The following AFG2A variants were observed in gnomAD, a reference collection of about 807,000 sequenced individuals.
AFG2A encodes ATPase family gene 2 protein homolog A.
chr4:122,935,292 G>A, the AFG2A span, among the ~76,000 whole-genome samples: 1 of 151,928 alleles, frequency 6.6e-6, no homozygotes, highest in East Asian at 1.9e-4. Context: ...TGAACCCTTA[G>A]ATTGGCATTT....
the AFG2A span, among the ~76,000 whole-genome samples, chr4:123,205,130 T>A: frequency 0.017 from 2,564 of 152,296 alleles, 79 homozygotes; most frequent in African/African-American, 0.058. Flanking sequence ...CAGCTTATAA[T>A]ATTTGCTTTG....
At chr4:123,186,740 AAT>A in the AFG2A span, among the ~76,000 whole-genome samples, 8 of 152,270 alleles carry the variant, frequency 5.3e-5, no homozygotes, top group African/African-American at 1.9e-4. Context: ...AAAAGAACTG[AAT>A]ATATATGAGG....
At chr4:123,074,198 A>G in the AFG2A span, among the ~76,000 whole-genome samples, 2 of 146,782 alleles carry the variant, frequency 1.4e-5, no homozygotes, top group Admixed American at 7.1e-5. Flanking sequence ...GGTTCAAGCA[A>G]TTCACCCTGC....
chr4:123,305,266 A>G, the AFG2A span, among the ~76,000 whole-genome samples: 151,626 of 152,198 alleles, frequency 1, 75,529 homozygotes, highest in Middle Eastern at 1. Context: ...GAGGCAGTTA[A>G]GAATGTAGTG....
the AFG2A span, among the ~76,000 whole-genome samples, chr4:123,147,292 G>C: frequency 6.6e-6 from 1 of 152,032 alleles, no homozygotes; most frequent in Non-Finnish European, 1.5e-5. Flanking sequence ...TGTGATGGGG[G>C]TGGAAGTTTC....
At chr4:123,161,713 A>G in the AFG2A span, among the ~76,000 whole-genome samples, 3 of 152,196 alleles carry the variant, frequency 2.0e-5, no homozygotes, top group African/African-American at 7.2e-5. Context: ...GAGATTTTAC[A>G]AAGGTTAATC....
the AFG2A span, among the ~76,000 whole-genome samples, chr4:123,285,803 T>C: frequency 6.6e-6 from 1 of 152,136 alleles, no homozygotes; most frequent in South Asian, 2.1e-4. Flanking sequence ...CTAAAGGCTT[T>C]CAAATCAGTT....
At chr4:123,312,183 GTAAT>G in the AFG2A span, among the ~76,000 whole-genome samples, 2 of 152,016 alleles carry the variant, frequency 1.3e-5, no homozygotes, top group Non-Finnish European at 1.5e-5. Flanking sequence ...AAATAGTACA[GTAAT>G]TAATATTTGT....
At chr4:123,228,827 A>T in the AFG2A span, among the ~76,000 whole-genome samples, 1 of 152,026 alleles carries the variant, frequency 6.6e-6, no homozygotes, top group South Asian at 2.1e-4. Context: ...TAACTGGTAG[A>T]ACATATACAT....
the AFG2A span, among the ~76,000 whole-genome samples, chr4:122,984,484 TATG>T: frequency 6.6e-6 from 1 of 152,208 alleles, no homozygotes; most frequent in East Asian, 1.9e-4. Flanking sequence ...CTTCCAATAC[TATG>T]ATGAAGAGGA....
the AFG2A span, chr4:123,314,058 A>T: frequency 6.4e-7 from 1 of 1,552,670 alleles, no homozygotes; most frequent in Non-Finnish European, 8.7e-7. Flanking sequence ...GGCTGCATAC[A>T]CTCTGAGAAA....
the AFG2A span, among the ~76,000 whole-genome samples, chr4:123,188,580 T>C: frequency 6.6e-6 from 1 of 152,334 alleles, no homozygotes; most frequent in East Asian, 1.9e-4. Flanking sequence ...TGGAACTACA[T>C]TATTGCTTCA....
the AFG2A span, among the ~76,000 whole-genome samples, chr4:122,931,673 A>G: frequency 7.2e-5 from 11 of 151,888 alleles, no homozygotes; most frequent in Admixed American, 7.2e-4. Flanking sequence ...TGGGATTCAC[A>G]CTCCCTCCAA....
At chr4:123,208,636 C>T in the AFG2A span, among the ~76,000 whole-genome samples, 1 of 152,148 alleles carries the variant, frequency 6.6e-6, no homozygotes, top group South Asian at 2.1e-4. Context: ...CTTTCCAAAG[C>T]TAACCATCAA....
chr4:123,021,443 C>T, the AFG2A span, among the ~76,000 whole-genome samples: 2 of 152,100 alleles, frequency 1.3e-5, no homozygotes, highest in Admixed American at 6.5e-5. Context: ...TGTTGCTTTC[C>T]ATTAAGTCTA....
At chr4:122,930,473 G>C in the AFG2A span, among the ~76,000 whole-genome samples, 1 of 151,880 alleles carries the variant, frequency 6.6e-6, no homozygotes, top group East Asian at 1.9e-4. Context: ...CTTGAGTTTT[G>C]GCATATTTTT....
the AFG2A span, among the ~76,000 whole-genome samples, chr4:122,949,486 G>A: frequency 6.6e-6 from 1 of 152,196 alleles, no homozygotes; most frequent in African/African-American, 2.4e-5. Flanking sequence ...CACAGCGGAG[G>A]AGAGGGGGAG....
At chr4:123,032,691 G>A in the AFG2A span, among the ~76,000 whole-genome samples, 1 of 152,198 alleles carries the variant, frequency 6.6e-6, no homozygotes, top group Non-Finnish European at 1.5e-5. Flanking sequence ...TGGGATTACA[G>A]GTATAAGCCA....
At chr4:123,280,360 T>TA in the AFG2A span, among the ~76,000 whole-genome samples, 1 of 152,222 alleles carries the variant, frequency 6.6e-6, no homozygotes, top group African/African-American at 2.4e-5. Flanking sequence ...TTTTAATTAA[T>TA]AAAGTTCGGT....
Sources: gnomAD v4.1 joint callset for allele counts (sites outside exome capture counted in the v4.1 genomes callset) on GRCh38, gnomAD v4.1.1 for gene constraint, MANE v1.5 for transcripts, NCBI Gene and HGNC (gene_info 2026-07-23, HGNC 2026-07-21) for gene names.